NAALADL2: variants seen among roughly 807,000 people sequenced by gnomAD.
The protein encoded by NAALADL2 is N-acetylated alpha-linked acidic dipeptidase like 2, also known as inactive N-acetylated-alpha-linked acidic dipeptidase-like protein 2.
In NAALADL2, 76 loss-of-function variants were observed where a neutral mutation model predicts 87.2. The observed-to-expected ratio is 0.87, with a 90% CI of 0.72 to 1.05. The LOEUF (loss-of-function observed/expected upper bound fraction) is 1.05. Ranked by LOEUF, NAALADL2 falls within the 50% of genes least tolerant of loss-of-function variation. NAALADL2 has a pLI of 0.00. For synonymous variants in NAALADL2, 354 were observed against 331.0 expected (o/e 1.07, Z -0.75); for missense variants, 1,089 against 945.8 (o/e 1.15, Z -1.99).
At chr3:175,335,744 T>G (rs964881477) in intron 5 of NAALADL2, among the ~76,000 whole-genome samples, 2 of 152,210 alleles carry the variant, frequency 1.3e-5, no homozygotes, top group Non-Finnish European at 2.9e-5. Context: ...GTGTTGCACT[T>G]TTATTTGCCT....
At chr3:174,672,009 A>G (rs1045809554) in intron 2 of NAALADL2, among the ~76,000 whole-genome samples, 1 of 152,038 alleles carries the variant, frequency 6.6e-6, no homozygotes, top group African/African-American at 2.4e-5. Flanking sequence ...AATCCTTTAT[A>G]AGTATTTCTG....
intron 2 of NAALADL2, among the ~76,000 whole-genome samples, chr3:174,605,370 C>A (rs1315012044): frequency 1.3e-5 from 2 of 152,150 alleles, no homozygotes; most frequent in African/African-American, 2.4e-5. Context: ...GAGGCATTGC[C>A]TCACTCGGGA....
intron 1 of NAALADL2, among the ~76,000 whole-genome samples, chr3:175,076,778 A>C (rs1716677277): frequency 1.3e-5 from 2 of 152,320 alleles, no homozygotes; most frequent in Middle Eastern, 3.4e-3. Context: ...ATACTAAATA[A>C]AATATTTAGT....
chr3:174,620,340 A>T (rs1720879754), intron 2 of NAALADL2, among the ~76,000 whole-genome samples: 1 of 152,078 alleles, frequency 6.6e-6, no homozygotes, highest in Non-Finnish European at 1.5e-5. Flanking sequence ...TTGTAAATGC[A>T]CAAGGGTGCT....
At chr3:175,450,093 T>C (rs767717555) in intron 6 of NAALADL2, among the ~76,000 whole-genome samples, 10 of 152,150 alleles carry the variant, frequency 6.6e-5, no homozygotes, top group Non-Finnish European at 1.5e-4. Flanking sequence ...TGTTAACATA[T>C]AATCCTACAT....
At chr3:174,903,087 T>A (rs903539378) in intron 1 of NAALADL2, among the ~76,000 whole-genome samples, 7 of 152,076 alleles carry the variant, frequency 4.6e-5, no homozygotes, top group African/African-American at 1.2e-4. Context: ...AGCCACTATA[T>A]TCATAAGGTA....
intron 1 of NAALADL2, among the ~76,000 whole-genome samples, chr3:174,971,164 A>G (rs934618961): frequency 1.3e-5 from 2 of 152,140 alleles, no homozygotes; most frequent in Admixed American, 6.6e-5. Context: ...CCATAATTCA[A>G]TTACCTCCTC....
chr3:175,219,631 C>T (rs774945744), intron 2 of NAALADL2, among the ~76,000 whole-genome samples: 1 of 151,886 alleles, frequency 6.6e-6, no homozygotes, highest in Non-Finnish European at 1.5e-5. Flanking sequence ...TACTGTTTAC[C>T]TTTATAATTT....
chr3:174,981,656 T>C (rs1054145683), intron 1 of NAALADL2, among the ~76,000 whole-genome samples: 1 of 152,182 alleles, frequency 6.6e-6, no homozygotes, highest in African/African-American at 2.4e-5. Context: ...AGAGTCTGCG[T>C]CGCTTCGGAT....
chr3:175,606,807 C>A (rs1055401032), intron 10 of NAALADL2, among the ~76,000 whole-genome samples: 3 of 152,152 alleles, frequency 2.0e-5, no homozygotes, highest in Non-Finnish European at 4.4e-5. Context: ...AAGAGCAAAG[C>A]AATTTTGAGT....
intron 4 of NAALADL2, among the ~76,000 whole-genome samples, chr3:175,267,008 C>A (rs975912177): frequency 6.8e-6 from 1 of 147,886 alleles, no homozygotes; most frequent in African/African-American, 2.5e-5. Flanking sequence ...AAGTTCAAAG[C>A]TTTCTTAGCT....
At chr3:175,755,868 A>T (rs1050542048) in intron 13 of NAALADL2, among the ~76,000 whole-genome samples, 2 of 152,192 alleles carry the variant, frequency 1.3e-5, no homozygotes, top group African/African-American at 4.8e-5. Flanking sequence ...AGTGGGATTT[A>T]GATCGATGTT....
intron 3 of NAALADL2, among the ~76,000 whole-genome samples, chr3:174,802,401 T>C (rs1004489708): frequency 2.0e-5 from 3 of 152,182 alleles, no homozygotes; most frequent in Non-Finnish European, 2.9e-5. Context: ...AAAAATTGCA[T>C]ATCATTCAAA....
chr3:175,597,891 C>T (rs2149626568), intron 10 of NAALADL2, among the ~76,000 whole-genome samples: 1 of 151,912 alleles, frequency 6.6e-6, no homozygotes, highest in South Asian at 2.1e-4. Context: ...ATGATTATCT[C>T]AAATAAAAAA....
Position 175,808,743 on chromosome 3 carries a change from A to G in NAALADL2, c.*5540A>G, listed in dbSNP as rs1181265267. 2.0e-5 allele frequency: 3 copies of G among 152,020 alleles called. No individual in the cohort carries two copies. The highest frequency in any genetic ancestry group is 7.2e-5 in the African/African-American group (3 of 41,396). 9.4% of individuals were successfully genotyped at this position (152,020 alleles called of 1,614,324 possible). ...CTGCAAGCTCAAGAGATTAATATAC[A>G]ATCATTATTATGAATTATTATGTTG... On this transcript the variant is annotated 3_prime_UTR_variant, in exon 14 of 14. Transcript: ENST00000454872.
chr3:174,928,473 C>T (rs900763635), intron 1 of NAALADL2, among the ~76,000 whole-genome samples: 2 of 152,168 alleles, frequency 1.3e-5, no homozygotes, highest in Non-Finnish European at 2.9e-5. Context: ...AACACCTGAC[C>T]TCTGGATTCA....
intron 2 of NAALADL2, among the ~76,000 whole-genome samples, chr3:174,698,479 A>T (rs1269142401): frequency 6.6e-6 from 1 of 152,180 alleles, no homozygotes; most frequent in Non-Finnish European, 1.5e-5. Flanking sequence ...ATCAAACTAC[A>T]ATAGATCTGT....
At chr3:174,682,130 G>A (rs1354980878) in intron 2 of NAALADL2, among the ~76,000 whole-genome samples, 1 of 152,194 alleles carries the variant, frequency 6.6e-6, no homozygotes, top group African/African-American at 2.4e-5. Context: ...AGAGAAGGGG[G>A]AAGAGTGAAG....
chr3:175,093,383 A>C (rs1475340962), intron 1 of NAALADL2, among the ~76,000 whole-genome samples: 1 of 136,248 alleles, frequency 7.3e-6, no homozygotes, highest in East Asian at 2.1e-4. Flanking sequence ...TTTATTTGAT[A>C]GTTTCTTTTT....
Sources: allele counts gnomAD v4.1 joint callset (sites outside exome capture counted in the v4.1 genomes callset), GRCh38; gene constraint gnomAD v4.1.1; transcripts MANE v1.5; gene names NCBI Gene and HGNC (gene_info 2026-07-23, HGNC 2026-07-21).